Variants in EYA1 observed in about 807,000 individuals in gnomAD.
EYA1 encodes EYA transcriptional coactivator and phosphatase 1.
Under a neutral mutation model 82.0 loss-of-function variants are expected in EYA1, and 16 were observed. The ratio of observed to expected loss-of-function variants is 0.20; its 90% CI spans 0.13 to 0.30. The LOEUF (loss-of-function observed/expected upper bound fraction) is 0.30, where lower values mean the gene tolerates loss of function less well. Among genes scored for constraint, EYA1 ranks in the 10% least tolerant of loss-of-function variants. EYA1 has a pLI of 1.00. For synonymous variants in EYA1, 261 were observed against 264.4 expected (o/e 0.99, Z 0.12); for missense variants, 633 against 730.7 (o/e 0.87, Z 1.54).
In EYA1 at chr8:71,462,377, C is replaced by T. The variant is rs536680464; in HGVS notation, c.33+73367G>A. ...CTCAGCTCCAACCCCTCTCCGAGATCGGAGTGGGTGCCAGGAAGAGGGAGA... is the reference window on the plus strand; with the variant it reads ...CTCAGCTCCAACCCCTCTCCGAGATTGGAGTGGGTGCCAGGAAGAGGGAGA... On this transcript the variant is annotated intron_variant, in intron 2 of 18. Coordinates refer to the EYA1 transcript ENST00000643681. Among the ~76,000 whole-genome samples, 46 of 152,270 alleles carry T rather than the reference C, an allele frequency of 3.0e-4. No individual in the cohort carries two copies. The South Asian group carries it at 8.3e-3, about 27-fold the overall frequency.
intron 2 of EYA1, among the ~76,000 whole-genome samples, chr8:71,406,461 A>G (rs1000749777): frequency 1.1e-4 from 17 of 152,196 alleles, no homozygotes; most frequent in African/African-American, 4.1e-4. Context: ...CATCTGAGGT[A>G]CCGGGTTCAT....
At chr8:71,266,141 C>G (rs1815776339) in intron 11 of EYA1, among the ~76,000 whole-genome samples, 1 of 152,240 alleles carries the variant, frequency 6.6e-6, no homozygotes, top group Non-Finnish European at 1.5e-5. Context: ...TCTCAAGTAT[C>G]TGGTTCCCTT....
In EYA1 at chr8:71,299,678, T is replaced by C; in HGVS notation, c.599A>G (p.Asn200Ser). 1 of 1,595,182 alleles carries C rather than the reference T, an allele frequency of 6.3e-7. No homozygotes were observed. Among genetic ancestry groups the C allele is most frequent in the Non-Finnish European group, 8.6e-7 (1 of 1,163,606 alleles). Reference protein sequence around the residue: ...TTSSGIYTGNNSLTNSSGFNS... With the variant: ...TTSSGIYTGNSSLTNSSGFNS... ...AAATCCAGAGGAATTTGTGAGTGAA[T>C]TATTTCCTGTATATATTCCTGATGA... The change falls in exon 8 of 18, where the codon AAT (asparagine) becomes AGT (serine). Residue 200 changes from asparagine to serine, a missense_variant. Transcript: ENST00000340726.
Position 71,395,689 on chromosome 8 carries a change from C to T in EYA1, c.34-39178G>A, listed in dbSNP as rs138109930. Among the ~76,000 whole-genome samples the T allele has an allele frequency of 2.9e-3, 446 of 152,036 alleles. 2 individuals carry two copies. Among genetic ancestry groups the T allele is most frequent in the African/African-American group, 0.01 (415 of 41,470 alleles). Reference sequence around the variant, plus strand: ...CTTTTTGATGTGCTGCAGGATTCGGCTTGCCAGTATTTTATTGAGGATTTT... The same window carrying T: ...CTTTTTGATGTGCTGCAGGATTCGGTTTGCCAGTATTTTATTGAGGATTTT... On this transcript the variant is annotated intron_variant, in intron 2 of 18. Coordinates refer to the EYA1 transcript ENST00000643681.
chr8:71,433,832 C>T (rs1234786956), intron 2 of EYA1, among the ~76,000 whole-genome samples: 1 of 152,164 alleles, frequency 6.6e-6, no homozygotes, highest in Non-Finnish European at 1.5e-5. Flanking sequence ...AGTGAGAAGC[C>T]ACGGAGGATT....
chr8:71,357,250 T>A (rs1826980847), intron 1 of EYA1, among the ~76,000 whole-genome samples: 1 of 152,240 alleles, frequency 6.6e-6, no homozygotes, highest in Admixed American at 6.5e-5. Flanking sequence ...TTTCCATCTT[T>A]TAAACCGAGG....
At chr8:71,380,166 T>C (rs934966137) in intron 2 of EYA1, among the ~76,000 whole-genome samples, 4 of 152,216 alleles carry the variant, frequency 2.6e-5, no homozygotes, top group African/African-American at 9.6e-5. Context: ...CCCTTTCCTC[T>C]TGATGTTAAA....
At position 71,516,580 on chromosome 8, in the gene EYA1, T is replaced by C. The variant is rs560365969; in HGVS notation, c.33+19164A>G. On this transcript the variant is annotated intron_variant, in intron 2 of 18. Transcript: ENST00000643681. ...GTAACACATAAATGATTATTTATTA[T>C]ATGCAAATACAAATTTGCACAGTAT... Among the ~76,000 whole-genome samples the C allele has an allele frequency of 5.3e-5, 8 of 152,324 alleles. No individual in the cohort carries two copies. In the East Asian group the frequency reaches 1.5e-3, roughly 29 times the overall value.
chr8:71,241,891 G>A (rs1048746540), intron 12 of EYA1, among the ~76,000 whole-genome samples: 4 of 151,400 alleles, frequency 2.6e-5, no homozygotes, highest in African/African-American at 9.7e-5. Flanking sequence ...TCCCAGGTTT[G>A]TTGAATTTCA....
At position 71,356,630 on chromosome 8, in the gene EYA1, G is replaced by C. The variant is rs907402811; in HGVS notation, c.-54-119C>G. 1.6e-5 allele frequency: 22 copies of C among 1,410,816 alleles called. No homozygotes were observed. The African/African-American group carries it at 3.1e-4, about 20-fold the overall frequency. The allele number at this position is 1,410,816 out of a possible 1,614,324, so 87.4% of individuals were successfully genotyped here. A position where few individuals can be genotyped will look rare whatever the true frequency, so the allele number is the denominator to read the frequency against. ...CTCTCTTTTAACCAAAAGAGAAAAAGGAGGATACTGCAGCAGTGAAAGGCA... is the reference window on the plus strand; with the variant it reads ...CTCTCTTTTAACCAAAAGAGAAAAACGAGGATACTGCAGCAGTGAAAGGCA... On this transcript the variant is annotated intron_variant, in intron 1 of 17. Coordinates refer to ENST00000340726, the MANE Select transcript of EYA1 (RefSeq NM_000503.6).
chr8:71,327,936 AC>A (rs555285033), intron 4 of EYA1, among the ~76,000 whole-genome samples: 80 of 148,162 alleles, frequency 5.4e-4, no homozygotes, highest in African/African-American at 1.9e-3. Flanking sequence ...GCTCACTGCA[AC>A]CTCCGCCTCC....
intron 12 of EYA1, among the ~76,000 whole-genome samples, chr8:71,238,760 ATC>A (rs1812139144): frequency 6.6e-6 from 1 of 152,072 alleles, no homozygotes; most frequent in African/African-American, 2.4e-5. Context: ...AATAATTTGA[ATC>A]TCTTTCATTT....
At chr8:71,332,161 C>G (rs749737391) in intron 4 of EYA1, among the ~76,000 whole-genome samples, 4 of 152,078 alleles carry the variant, frequency 2.6e-5, no homozygotes, top group Non-Finnish European at 5.9e-5. Flanking sequence ...CCAAAACTTG[C>G]TTTATCCCGA....
intron 2 of EYA1, among the ~76,000 whole-genome samples, chr8:71,473,533 T>C (rs1243479254): frequency 6.6e-6 from 1 of 152,026 alleles, no homozygotes; most frequent in African/African-American, 2.4e-5. Context: ...TGGTGATCAT[T>C]AAAAAGTCAG....
chr8:71,244,428 A>C (rs1169557806), intron 12 of EYA1, among the ~76,000 whole-genome samples, 175 bp downstream of exon 12: 1 of 152,232 alleles, frequency 6.6e-6, no homozygotes, highest in African/African-American at 2.4e-5. Flanking sequence ...GAAAATCAAC[A>C]GCCAAAGTAA....
chr8:71,509,525 T>A (rs1272734104), intron 2 of EYA1, among the ~76,000 whole-genome samples: 1 of 152,160 alleles, frequency 6.6e-6, no homozygotes, highest in Admixed American at 6.5e-5. Flanking sequence ...GAAGGGAATT[T>A]GGAATCTTTT....
intron 2 of EYA1, among the ~76,000 whole-genome samples, chr8:71,495,267 C>T (rs867862907): frequency 1.3e-5 from 2 of 152,218 alleles, no homozygotes; most frequent in Middle Eastern, 6.8e-3. Flanking sequence ...AAAATAACAG[C>T]AAATGAACTG....
rs747518329 is a variant in EYA1 at position 71,271,865 on chromosome 8, T to A, written c.859A>T (p.Ile287Phe). Residue 287 changes from isoleucine (I) to phenylalanine (F), a missense_variant, in exon 10 of 18, where the codon ATT becomes TTT. By Grantham distance (21) the Ile-to-Phe change is conservative. Transcript: ENST00000340726. Reference sequence around the variant, plus strand: ...AATCGATCAGAATCTGAATCTTTAATGGGTGTTGATGGGCTGTGGATTGTG... The same window carrying A: ...AATCGATCAGAATCTGAATCTTTAAAGGGTGTTGATGGGCTGTGGATTGTG... ...YSTIHSPSTP[I>F]KDSDSDRLRR... 2 of 1,614,212 alleles carry A rather than the reference T, an allele frequency of 1.2e-6. No homozygotes were observed. Among genetic ancestry groups the A allele is most frequent in the South Asian group, 2.2e-5 (2 of 91,080 alleles).
chr8:71,221,480 T>G (rs1436614437), intron 12 of EYA1, among the ~76,000 whole-genome samples: 1 of 152,190 alleles, frequency 6.6e-6, no homozygotes, highest in Admixed American at 6.5e-5. Context: ...AGAGAGTAAT[T>G]TTTTGTTAAT....
Sources: gnomAD v4.1 joint callset for allele counts (sites outside exome capture counted in the v4.1 genomes callset) on GRCh38, gnomAD v4.1.1 for gene constraint, MANE v1.5 for transcripts, NCBI Gene and HGNC (gene_info 2026-07-23, HGNC 2026-07-21) for gene names.